RNGTT: variants seen among roughly 807,000 people sequenced by gnomAD.
RNGTT encodes RNA guanylyltransferase and 5'-phosphatase.
In RNGTT, 33 loss-of-function variants were observed where a neutral mutation model predicts 79.3. The observed-to-expected ratio is 0.42, with a 90% confidence interval of 0.32 to 0.56. The LOEUF (loss-of-function observed/expected upper bound fraction) is 0.56, where lower values mean the gene tolerates loss of function less well. Among genes scored for constraint, RNGTT ranks in the 20% least tolerant of loss-of-function variants. RNGTT has a pLI of 0.17. For synonymous variants in RNGTT, 222 were observed against 235.9 expected (o/e 0.94, Z 0.54); for missense variants, 497 against 739.1 (o/e 0.67, Z 3.80).
chr6:88,757,420 A>C (rs1668832012), intron 13 of RNGTT, among the ~76,000 whole-genome samples: 1 of 152,238 alleles, frequency 6.6e-6, no homozygotes, highest in African/African-American at 2.4e-5. Context: ...CCTAGTATCT[A>C]AATACAAAGG....
chr6:88,704,617 A>G (rs889557464), intron 13 of RNGTT, among the ~76,000 whole-genome samples: 8 of 152,186 alleles, frequency 5.3e-5, no homozygotes, highest in African/African-American at 1.7e-4. Flanking sequence ...CAAATTCATT[A>G]ACAAATAATA....
intron 13 of RNGTT, among the ~76,000 whole-genome samples, chr6:88,757,598 CTGT>C (rs1308568837): frequency 6.6e-6 from 1 of 152,094 alleles, no homozygotes; most frequent in African/African-American, 2.4e-5. Flanking sequence ...AATAATTTCA[CTGT>C]TGTTATGTCT....
intron 1 of RNGTT, 118 bp from the exon 2 acceptor site, chr6:88,941,298 C>A: frequency 1.5e-6 from 1 of 658,552 alleles, no homozygotes; most frequent in Non-Finnish European, 2.6e-6. Context: ...GACCAAGTGT[C>A]GCTCTGTCCC....
At chr6:88,683,919 G>A (rs1028019877) in intron 13 of RNGTT, among the ~76,000 whole-genome samples, 1 of 152,106 alleles carries the variant, frequency 6.6e-6, no homozygotes, top group African/African-American at 2.4e-5. Flanking sequence ...GGAAGCTGAT[G>A]CAGGAGGATC....
intron 12 of RNGTT, among the ~76,000 whole-genome samples, chr6:88,772,109 G>A (rs1778704455): frequency 2.0e-5 from 3 of 151,806 alleles, no homozygotes; most frequent in Admixed American, 2.0e-4. Context: ...AGCCTGGGAG[G>A]TCAAGGCTAT....
intron 12 of RNGTT, among the ~76,000 whole-genome samples, chr6:88,793,124 T>C (rs1368538924): frequency 6.6e-6 from 1 of 152,190 alleles, no homozygotes; most frequent in Non-Finnish European, 1.5e-5. Context: ...GAAAGGTACA[T>C]ATTAGTGATA....
intron 11 of RNGTT, among the ~76,000 whole-genome samples, chr6:88,830,634 CA>C (rs1304345939): frequency 6.6e-6 from 1 of 150,904 alleles, no homozygotes; most frequent in African/African-American, 2.4e-5. Context: ...CAAAAAAAGT[CA>C]GTGAATCCAG....
chr6:88,709,478 T>G (rs1776250083), intron 13 of RNGTT, among the ~76,000 whole-genome samples: 1 of 152,196 alleles, frequency 6.6e-6, no homozygotes, highest in South Asian at 2.1e-4. Context: ...CAATATATAA[T>G]TGTATTGTAA....
intron 12 of RNGTT, among the ~76,000 whole-genome samples, chr6:88,792,872 T>C (rs375529861): frequency 2.6e-5 from 4 of 152,230 alleles, no homozygotes; most frequent in South Asian, 4.1e-4. Context: ...AGAGAGAAAA[T>C]TGCCTCCTGC....
At chr6:88,783,760 G>C (rs184680924) in intron 12 of RNGTT, among the ~76,000 whole-genome samples, 1 of 148,368 alleles carries the variant, frequency 6.7e-6, no homozygotes, top group African/African-American at 2.5e-5. Context: ...GGGCTGTTCC[G>C]TGCAATGTAG....
intron 12 of RNGTT, among the ~76,000 whole-genome samples, chr6:88,788,339 A>G (rs1416926077): frequency 6.6e-6 from 1 of 152,116 alleles, no homozygotes; most frequent in East Asian, 1.9e-4. Context: ...CTCGAAAGGG[A>G]CCGCAAAGAA....
intron 13 of RNGTT, among the ~76,000 whole-genome samples, chr6:88,695,965 G>A (rs980601623): frequency 6.6e-6 from 1 of 152,142 alleles, no homozygotes; most frequent in Non-Finnish European, 1.5e-5. Context: ...ACTTATAGAC[G>A]AGAGTTGAAT....
At chr6:88,623,908 A>C (rs931243467) in intron 14 of RNGTT, among the ~76,000 whole-genome samples, 13 of 152,082 alleles carry the variant, frequency 8.5e-5, no homozygotes, top group African/African-American at 2.7e-4. Flanking sequence ...ACGGATGCAG[A>C]CTATAAGAAT....
intron 14 of RNGTT, among the ~76,000 whole-genome samples, chr6:88,670,543 A>T (rs567729706): frequency 6.6e-6 from 1 of 152,318 alleles, no homozygotes; most frequent in East Asian, 1.9e-4. Flanking sequence ...CTGTTTCATG[A>T]GAAAGCAAAA....
At chr6:88,837,115 C>T (rs997341689) in intron 11 of RNGTT, among the ~76,000 whole-genome samples, 2 of 152,108 alleles carry the variant, frequency 1.3e-5, no homozygotes, top group African/African-American at 2.4e-5. Context: ...CTGCTCTGGC[C>T]GGGCATGGTG....
chr6:88,798,628 C>T (rs1179896565), intron 12 of RNGTT, among the ~76,000 whole-genome samples: 1 of 152,154 alleles, frequency 6.6e-6, no homozygotes, highest in African/African-American at 2.4e-5. Context: ...TGAGAAAAAT[C>T]AGTGTAATTT....
chr6:88,730,377 C>A (rs1777067271), intron 13 of RNGTT, among the ~76,000 whole-genome samples: 1 of 152,120 alleles, frequency 6.6e-6, no homozygotes, highest in Non-Finnish European at 1.5e-5. Flanking sequence ...CTAACCCTAG[C>A]CAATAGGTGA....
chr6:88,832,149 A>T (rs186435067), intron 11 of RNGTT, among the ~76,000 whole-genome samples: 1 of 152,234 alleles, frequency 6.6e-6, no homozygotes, highest in Non-Finnish European at 1.5e-5. Flanking sequence ...CTAAGCAAAA[A>T]GAACAAAGCT....
At chr6:88,739,761 A>G (rs1229305840) in intron 13 of RNGTT, among the ~76,000 whole-genome samples, 4 of 61,746 alleles carry the variant, frequency 6.5e-5, no homozygotes, top group Admixed American at 1.7e-4. Context: ...ATATATATAT[A>G]TATATATATA....
Sources: allele counts gnomAD v4.1 joint callset (sites outside exome capture counted in the v4.1 genomes callset), GRCh38; gene constraint gnomAD v4.1.1; transcripts MANE v1.5; gene names NCBI Gene and HGNC (gene_info 2026-07-23, HGNC 2026-07-21).